The following PCDH15 variants were observed in gnomAD, a reference collection of about 807,000 sequenced individuals.
PCDH15 encodes the protein protocadherin-15.
A neutral mutation model predicts 178.5 loss-of-function variants in PCDH15; 129 were observed. The ratio of observed to expected loss-of-function variants is 0.72; its 90% CI spans 0.63 to 0.84. The LOEUF (loss-of-function observed/expected upper bound fraction) is 0.84, where lower values mean the gene tolerates loss of function less well. PCDH15 is among the 40% of genes least tolerant of loss of function. PCDH15 has a pLI of 0.00. For synonymous variants in PCDH15, 800 were observed against 732.0 expected, an observed-to-expected ratio of 1.09 and a Z score of -1.50; for missense variants, 2,230 against 2,099.9, an observed-to-expected ratio of 1.06 and a Z score of -1.21.
At chr10:54,366,362 C>G (rs1377804542) in intron 5 of PCDH15, among the ~76,000 whole-genome samples, 2 of 151,984 alleles carry the variant, frequency 1.3e-5, no homozygotes, top group African/African-American at 4.8e-5. Flanking sequence ...AACTTCATGT[C>G]TTATACTAAA....
intron 2 of PCDH15, among the ~76,000 whole-genome samples, chr10:55,081,644 T>A (rs2132026203): frequency 6.6e-6 from 1 of 152,288 alleles, no homozygotes; most frequent in South Asian, 2.1e-4. Context: ...CCTTGCCCTT[T>A]CGCTATGTGA....
chr10:54,487,241 A>G (rs1259795190), intron 3 of PCDH15, among the ~76,000 whole-genome samples: 3 of 152,090 alleles, frequency 2.0e-5, no homozygotes, highest in African/African-American at 7.2e-5. Flanking sequence ...CAACTAAAAC[A>G]CAGAAAGACA....
intron 25 of PCDH15, among the ~76,000 whole-genome samples, chr10:53,914,878 A>C (rs536919699): frequency 6.6e-6 from 1 of 152,328 alleles, no homozygotes; most frequent in African/African-American, 2.4e-5. Context: ...CCATTTTGGA[A>C]TTTGATGGGC....
chr10:54,303,559 CATGT>C (rs1356270198), intron 8 of PCDH15, among the ~76,000 whole-genome samples: 1 of 151,972 alleles, frequency 6.6e-6, no homozygotes, highest in Admixed American at 6.6e-5. Flanking sequence ...TCATATCATG[CATGT>C]ATTACAAGTA....
At chr10:54,200,460 C>T (rs140556595) in intron 10 of PCDH15, among the ~76,000 whole-genome samples, 1 of 151,706 alleles carries the variant, frequency 6.6e-6, no homozygotes, top group Non-Finnish European at 1.5e-5. Context: ...GTGTGATGTT[C>T]CCCTCCCTGT....
intron 25 of PCDH15, among the ~76,000 whole-genome samples, chr10:53,921,042 G>T (rs576718854): frequency 2.7e-4 from 41 of 152,180 alleles, no homozygotes; most frequent in Non-Finnish European, 4.9e-4. Flanking sequence ...ACTACTTAGT[G>T]TAATGAACAT....
At chr10:54,419,204 T>C (rs1309960468) in intron 3 of PCDH15, among the ~76,000 whole-genome samples, 1 of 150,908 alleles carries the variant, frequency 6.6e-6, no homozygotes, top group Admixed American at 6.6e-5. Context: ...ATTTAAGTTC[T>C]AGATCTCTAG....
intron 1 of PCDH15, among the ~76,000 whole-genome samples, chr10:55,312,394 G>A (rs1280327926): frequency 1.3e-5 from 2 of 152,164 alleles, no homozygotes; most frequent in African/African-American, 4.8e-5. Context: ...CTTAAGAAAT[G>A]TGAGCAGCTG....
chr10:55,010,426 T>A (rs1432026164), intron 2 of PCDH15, among the ~76,000 whole-genome samples: 1 of 152,098 alleles, frequency 6.6e-6, no homozygotes, highest in Admixed American at 6.6e-5. Flanking sequence ...ATTAACGAGA[T>A]AAATTCATTT....
chr10:54,527,709 T>C (rs934779151), intron 3 of PCDH15, 103 bp downstream of exon 3: 24 of 891,172 alleles, frequency 2.7e-5, no homozygotes, highest in Non-Finnish European at 3.8e-5. Context: ...TGGATTTGGG[T>C]TGAAACTTTC....
At chr10:55,029,048 A>C (rs1159518757) in intron 2 of PCDH15, among the ~76,000 whole-genome samples, 1 of 152,042 alleles carries the variant, frequency 6.6e-6, no homozygotes, top group Admixed American at 6.6e-5. Context: ...TGTACCAATA[A>C]GGAGAGTGAG....
chr10:54,875,923 C>G (rs1199946850), intron 3 of PCDH15, among the ~76,000 whole-genome samples: 1 of 152,114 alleles, frequency 6.6e-6, no homozygotes, highest in Non-Finnish European at 1.5e-5. Context: ...ATACACTAAA[C>G]AAATTTTCAA....
intron 2 of PCDH15, among the ~76,000 whole-genome samples, chr10:55,440,116 A>C (rs1039986385): frequency 2.6e-5 from 4 of 152,194 alleles, no homozygotes; most frequent in Non-Finnish European, 5.9e-5. Context: ...GGATAAAAAT[A>C]AATGGTCAAT....
chr10:54,713,730 A>G (rs2095448852), intron 1 of PCDH15, among the ~76,000 whole-genome samples: 1 of 152,164 alleles, frequency 6.6e-6, no homozygotes, highest in Non-Finnish European at 1.5e-5. Context: ...AGGTTGTATT[A>G]CATTTTACAG....
At chr10:54,649,287 T>C (rs188445917) in intron 2 of PCDH15, among the ~76,000 whole-genome samples, 2 of 152,310 alleles carry the variant, frequency 1.3e-5, no homozygotes, top group Admixed American at 1.3e-4. Context: ...ATGGGATAAA[T>C]ACTAATTTGA....
At chr10:53,861,390 A>C (rs1025933945) in intron 27 of PCDH15, among the ~76,000 whole-genome samples, 6 of 152,158 alleles carry the variant, frequency 3.9e-5, no homozygotes, top group Non-Finnish European at 5.9e-5. Flanking sequence ...TAAAAAGAAG[A>C]GAAATAACAT....
intron 1 of PCDH15, among the ~76,000 whole-genome samples, chr10:54,779,437 T>TGTATATATATATACACAC: frequency 9.7e-6 from 1 of 103,042 alleles, no homozygotes; most frequent in African/African-American, 3.8e-5. Flanking sequence ...CACATATGTG[T>TGTATATATATATACACAC]ATATATATAT....
chr10:54,649,105 G>A (rs1430791471), intron 2 of PCDH15, among the ~76,000 whole-genome samples: 1 of 152,116 alleles, frequency 6.6e-6, no homozygotes, highest in Non-Finnish European at 1.5e-5. Context: ...GCATGAACTG[G>A]GCCACTGATG....
intron 14 of PCDH15, among the ~76,000 whole-genome samples, chr10:54,133,686 A>G (rs1016543777): frequency 6.6e-6 from 1 of 152,196 alleles, no homozygotes; most frequent in Non-Finnish European, 1.5e-5. Flanking sequence ...TAGCATTGAC[A>G]TAGTCAACTT....
Sources: gnomAD v4.1 joint callset for allele counts (sites outside exome capture counted in the v4.1 genomes callset) on GRCh38, gnomAD v4.1.1 for gene constraint, MANE v1.5 for transcripts, NCBI Gene and HGNC (gene_info 2026-07-23, HGNC 2026-07-21) for gene names.